TMEM132D: variants seen among roughly 807,000 people sequenced by gnomAD.
TMEM132D encodes the protein mature OL transmembrane protein.
TMEM132D carries 21 observed loss-of-function variants against 62.3 expected under a neutral mutation model. The observed-to-expected ratio is 0.34, with a 90% CI of 0.24 to 0.49. TMEM132D has a LOEUF of 0.49. Among genes scored for constraint, TMEM132D ranks in the 20% least tolerant of loss-of-function variants. TMEM132D has a pLI of 0.99. For missense variants in TMEM132D, 1,346 were observed against 1,402.8 expected, an observed-to-expected ratio of 0.96 and a Z score of 0.65; for synonymous variants, 621 against 575.6, an observed-to-expected ratio of 1.08 and a Z score of -1.13.
intron 5 of TMEM132D, among the ~76,000 whole-genome samples, chr12:129,140,695 C>A (rs1442503592): frequency 6.6e-6 from 1 of 152,040 alleles, no homozygotes; most frequent in Non-Finnish European, 1.5e-5. Context: ...AAAAATTAGA[C>A]AGGCATGGTG....
At chr12:129,604,696 G>C (rs568034280) in intron 2 of TMEM132D, among the ~76,000 whole-genome samples, 10 of 152,170 alleles carry the variant, frequency 6.6e-5, no homozygotes, top group Non-Finnish European at 1.5e-4. Flanking sequence ...CATCATGGAA[G>C]AAACTCCTTC....
At chr12:129,715,575 G>A (rs902233578) in intron 1 of TMEM132D, among the ~76,000 whole-genome samples, 4 of 152,084 alleles carry the variant, frequency 2.6e-5, no homozygotes, top group African/African-American at 9.7e-5. Context: ...TCTGGTACAG[G>A]GATAACCCAC....
chr12:129,528,679 T>C (rs1442736930), intron 3 of TMEM132D, among the ~76,000 whole-genome samples: 2 of 152,214 alleles, frequency 1.3e-5, no homozygotes, highest in African/African-American at 4.8e-5. Flanking sequence ...CCACTAAATA[T>C]GTGTGCATAC....
chr12:129,110,543 A>G (rs374809215), intron 5 of TMEM132D: 2 of 152,238 alleles, frequency 1.3e-5, no homozygotes, highest in African/African-American at 2.4e-5. Context: ...AAAGCAAACT[A>G]TATTCCAGCA....
Position 129,619,537 on chromosome 12 carries a change from G to A in TMEM132D, c.968+80273C>T, listed in dbSNP as rs898424124. 9.6e-4 allele frequency among the ~76,000 whole-genome samples: 146 copies of A among 152,126 alleles called. 1 individual carries two copies. The highest frequency in any genetic ancestry group is 1.2e-4 in the African/African-American group (5 of 41,426). On this transcript the variant is annotated intron_variant, in intron 2 of 8. Coordinates refer to ENST00000422113, the MANE Select transcript of TMEM132D (RefSeq NM_133448.3). ...TATTCCTAAGGGATTCATTTGTCTC[G>A]GGTTATCCACTGGCTCCCCCAGCCC... is the stretch of plus-strand genomic sequence containing the variant.
intron 4 of TMEM132D, among the ~76,000 whole-genome samples, chr12:129,216,418 G>C (rs1438538486): frequency 6.6e-6 from 1 of 152,164 alleles, no homozygotes. Flanking sequence ...GGGATTGTGG[G>C]TGTCCTTACA....
At chr12:129,752,440 T>C (rs1030774319) in intron 1 of TMEM132D, among the ~76,000 whole-genome samples, 1 of 152,238 alleles carries the variant, frequency 6.6e-6, no homozygotes, top group Non-Finnish European at 1.5e-5. Context: ...GCAAATTAAA[T>C]GTTCATGCCT....
At chr12:129,573,667 A>G (rs1877579857) in intron 2 of TMEM132D, among the ~76,000 whole-genome samples, 2 of 152,154 alleles carry the variant, frequency 1.3e-5, no homozygotes, top group South Asian at 4.2e-4. Flanking sequence ...GACTTTATTT[A>G]GCATAGCCTC....
chr12:129,252,806 G>A (rs1364458245), intron 4 of TMEM132D, among the ~76,000 whole-genome samples: 16 of 152,082 alleles, frequency 1.1e-4, no homozygotes, highest in South Asian at 2.1e-4. Flanking sequence ...GTCCAACAAC[G>A]ATAGACTGGA....
chr12:129,673,138 A>T (rs1051565310), intron 2 of TMEM132D, among the ~76,000 whole-genome samples: 1 of 150,260 alleles, frequency 6.7e-6, no homozygotes, highest in African/African-American at 2.4e-5. Flanking sequence ...AAACTCTCTC[A>T]TGCTTTCCCT....
intron 1 of TMEM132D, among the ~76,000 whole-genome samples, chr12:129,750,561 C>A (rs1231308431): frequency 2.0e-5 from 3 of 152,122 alleles, no homozygotes; most frequent in Non-Finnish European, 4.4e-5. Context: ...AATAACAGGC[C>A]TATTCGTAAG....
At chr12:129,360,997 G>A (rs566759210) in intron 3 of TMEM132D, among the ~76,000 whole-genome samples, 103 of 152,268 alleles carry the variant, frequency 6.8e-4, no homozygotes, top group African/African-American at 2.3e-3. Context: ...CACAAACGCA[G>A]CTTCCTGTGT....
chr12:129,553,388 C>T (rs1876957445), intron 2 of TMEM132D, among the ~76,000 whole-genome samples: 1 of 152,162 alleles, frequency 6.6e-6, no homozygotes, highest in South Asian at 2.1e-4. Flanking sequence ...CCATGGCTTC[C>T]ATATGTAACA....
chr12:129,475,538 T>G (rs1874230036), intron 3 of TMEM132D, among the ~76,000 whole-genome samples: 1 of 152,248 alleles, frequency 6.6e-6, no homozygotes, highest in South Asian at 2.1e-4. Flanking sequence ...AAGGCAATAT[T>G]TCTTAAAGCA....
At chr12:129,464,884 A>G (rs1873830080) in intron 3 of TMEM132D, among the ~76,000 whole-genome samples, 1 of 151,592 alleles carries the variant, frequency 6.6e-6, no homozygotes, top group African/African-American at 2.4e-5. Flanking sequence ...GCCTTGTAGT[A>G]TAGTTTGAAG....
At chr12:129,205,942 C>G (rs1593295560) in intron 5 of TMEM132D, among the ~76,000 whole-genome samples, 1 of 152,134 alleles carries the variant, frequency 6.6e-6, no homozygotes, top group East Asian at 1.9e-4. Context: ...ACACCACATA[C>G]AAAATTAACT....
At chr12:129,812,327 A>G (rs1872211006) in intron 1 of TMEM132D, among the ~76,000 whole-genome samples, 1 of 151,782 alleles carries the variant, frequency 6.6e-6, no homozygotes, top group Non-Finnish European at 1.5e-5. Flanking sequence ...CACCACGTGT[A>G]ACATCATGTT....
intron 4 of TMEM132D, among the ~76,000 whole-genome samples, chr12:129,317,689 C>T (rs1204960812): frequency 6.6e-6 from 1 of 152,210 alleles, no homozygotes; most frequent in Non-Finnish European, 1.5e-5. Flanking sequence ...ACGTCTAGCT[C>T]TCTAGCAAGG....
intron 3 of TMEM132D, among the ~76,000 whole-genome samples, chr12:129,364,696 T>C (rs796881496): frequency 2.0e-5 from 3 of 152,296 alleles, no homozygotes; most frequent in African/African-American, 7.2e-5. Context: ...AGTAGACCTC[T>C]TACTCCTTGA....
Sources: allele counts gnomAD v4.1 joint callset (sites outside exome capture counted in the v4.1 genomes callset), GRCh38; gene constraint gnomAD v4.1.1; transcripts MANE v1.5; gene names NCBI Gene and HGNC (gene_info 2026-07-23, HGNC 2026-07-21).